Variants in SGCZ observed in about 807,000 individuals in gnomAD.
SGCZ encodes sarcoglycan zeta.
A neutral mutation model predicts 41.3 loss-of-function variants in SGCZ; 40 were observed. The ratio of observed to expected loss-of-function variants is 0.97; its 90% CI spans 0.75 to 1.26. SGCZ has a LOEUF of 1.26. Ranked by LOEUF, SGCZ falls within the 50% of genes most tolerant of loss-of-function variation. The probability of loss-of-function intolerance (pLI) is 0.00; values close to 1 mark genes in which losing one functional copy is unlikely to be tolerated. For synonymous variants in SGCZ, 206 were observed against 137.5 expected (o/e 1.50, Z -3.49); for missense variants, 552 against 369.8 (o/e 1.49, Z -4.04).
chr8:14,484,405 T>C (rs183836341), intron 2 of SGCZ, among the ~76,000 whole-genome samples: 1 of 152,292 alleles, frequency 6.6e-6, no homozygotes, highest in African/African-American at 2.4e-5. Flanking sequence ...CTTTTAAATA[T>C]AGAATTATGT....
At chr8:14,301,820 A>G (rs958077263) in intron 3 of SGCZ, among the ~76,000 whole-genome samples, 1 of 152,114 alleles carries the variant, frequency 6.6e-6, no homozygotes, top group African/African-American at 2.4e-5. Flanking sequence ...ACTTTATAGT[A>G]TTTTGTTATT....
At chr8:14,995,847 T>A (rs921393961) in intron 1 of SGCZ, among the ~76,000 whole-genome samples, 1 of 152,182 alleles carries the variant, frequency 6.6e-6, no homozygotes, top group South Asian at 2.1e-4. Context: ...CAGAGTTACA[T>A]TGTAATCCTA....
intron 1 of SGCZ, among the ~76,000 whole-genome samples, chr8:14,801,988 G>A (rs1656019812): frequency 6.6e-6 from 1 of 152,140 alleles, no homozygotes. Context: ...TCAGTCCTGG[G>A]CAGGAGCACT....
At chr8:14,242,292 C>A (rs1391511826) in intron 3 of SGCZ, among the ~76,000 whole-genome samples, 2 of 152,200 alleles carry the variant, frequency 1.3e-5, no homozygotes, top group Admixed American at 1.3e-4. Context: ...CCAACATTTA[C>A]TGGCCCTTAA....
At chr8:14,585,703 A>G (rs2117270682) in intron 1 of SGCZ, among the ~76,000 whole-genome samples, 2 of 152,278 alleles carry the variant, frequency 1.3e-5, no homozygotes, top group Admixed American at 1.3e-4. Flanking sequence ...TCAAACATTA[A>G]CAAAAAATAT....
At chr8:14,440,700 T>C (rs199911877) in intron 2 of SGCZ, among the ~76,000 whole-genome samples, 2,536 of 65,442 alleles carry the variant, frequency 0.039, 111 homozygotes, top group Middle Eastern at 0.061. Flanking sequence ...CGTATATGTA[T>C]ATATGTATAT....
At chr8:14,585,613 G>A (rs2117270471) in intron 1 of SGCZ, among the ~76,000 whole-genome samples, 1 of 151,986 alleles carries the variant, frequency 6.6e-6, no homozygotes, top group Non-Finnish European at 1.5e-5. Context: ...AGCCTACAAA[G>A]GTTATTATTT....
intron 2 of SGCZ, among the ~76,000 whole-genome samples, chr8:14,443,725 C>T (rs1234224355): frequency 2.0e-5 from 3 of 152,130 alleles, no homozygotes; most frequent in Admixed American, 6.5e-5. Flanking sequence ...AAAACCTAGG[C>T]ATTACCATTC....
At chr8:14,146,074 T>C (rs1490705248) in intron 5 of SGCZ, among the ~76,000 whole-genome samples, 1 of 152,072 alleles carries the variant, frequency 6.6e-6, no homozygotes, top group Non-Finnish European at 1.5e-5. Context: ...AAGATATCAA[T>C]ATCCAAGTAC....
At chr8:14,413,723 T>G (rs1228262601) in intron 2 of SGCZ, among the ~76,000 whole-genome samples, 1 of 151,982 alleles carries the variant, frequency 6.6e-6, no homozygotes, top group Non-Finnish European at 1.5e-5. Flanking sequence ...TTGCATCTTC[T>G]TTGTCTATGC....
intron 2 of SGCZ, among the ~76,000 whole-genome samples, chr8:14,552,917 G>A (rs1028160980): frequency 5.9e-5 from 9 of 152,018 alleles, no homozygotes; most frequent in African/African-American, 1.7e-4. Flanking sequence ...AGAGCTTGTC[G>A]CATCATTCAT....
chr8:14,893,368 G>A (rs781220959), intron 1 of SGCZ, among the ~76,000 whole-genome samples: 1 of 152,120 alleles, frequency 6.6e-6, no homozygotes, highest in Non-Finnish European at 1.5e-5. Flanking sequence ...AATCTAGTCC[G>A]ATGAGAGCCA....
chr8:14,941,688 T>C (rs950957160), intron 1 of SGCZ, among the ~76,000 whole-genome samples: 5 of 152,010 alleles, frequency 3.3e-5, no homozygotes, highest in East Asian at 1.9e-4. Flanking sequence ...GCCTATTTAG[T>C]ATTTTTCTGA....
Position 14,577,670 on chromosome 8 carries a change from G to A in SGCZ, c.40-22744C>T, listed in dbSNP as rs1475944116. Among the ~76,000 whole-genome samples the A allele has an allele frequency of 2.6e-5, 4 of 152,194 alleles. No homozygotes were observed. The South Asian group carries it at 6.2e-4, about 24-fold the overall frequency. On this transcript the variant is annotated intron_variant, in intron 1 of 7. Coordinates refer to ENST00000382080, the MANE Select transcript of SGCZ (RefSeq NM_139167.4). ...CCCAAAGTGCTGGGATTACAGCCGTGAGCCACGGCGCCTGGCCCCATTTTC... is the reference window on the plus strand; with the variant it reads ...CCCAAAGTGCTGGGATTACAGCCGTAAGCCACGGCGCCTGGCCCCATTTTC...
chr8:14,381,267 A>G lies in SGCZ; in HGVS notation c.235-57063T>C, dbSNP rs189867999. On this transcript the variant is annotated intron_variant, in intron 2 of 7. Transcript: ENST00000382080. ...CAAAGACATATATAATTCAATCCTTAGCAACAGCTAGGAAGGTTCAGAGAG... is the reference window on the plus strand; with the variant it reads ...CAAAGACATATATAATTCAATCCTTGGCAACAGCTAGGAAGGTTCAGAGAG... Among the ~76,000 whole-genome samples the G allele has an allele frequency of 1.7e-3, 252 of 152,368 alleles. 1 individual carries two copies. The highest frequency in any genetic ancestry group is 4.5e-3 in the Admixed American group (69 of 15,300).
intron 1 of SGCZ, among the ~76,000 whole-genome samples, chr8:15,134,011 C>T (rs62499829): frequency 0.071 from 10,847 of 152,088 alleles, 383 homozygotes; most frequent in Middle Eastern, 0.13. Flanking sequence ...TTAATATTAA[C>T]GATTTATCAG....
chr8:14,527,204 A>G (rs1018077875), intron 2 of SGCZ, among the ~76,000 whole-genome samples: 5 of 152,212 alleles, frequency 3.3e-5, no homozygotes, highest in Admixed American at 2.6e-4. Flanking sequence ...TATGTTTAAT[A>G]TGAAACAAGC....
intron 2 of SGCZ, among the ~76,000 whole-genome samples, chr8:14,526,707 T>C (rs1246493132): frequency 6.6e-6 from 1 of 152,146 alleles, no homozygotes; most frequent in Non-Finnish European, 1.5e-5. Flanking sequence ...GTTTCATTGT[T>C]CTGAGAGTGT....
intron 3 of SGCZ, among the ~76,000 whole-genome samples, chr8:14,258,207 T>C (rs1799533037): frequency 6.6e-6 from 1 of 151,242 alleles, no homozygotes; most frequent in Non-Finnish European, 1.5e-5. Context: ...TAAACAAAAT[T>C]CTGTGTTTCC....
Sources: gnomAD v4.1 joint callset for allele counts (sites outside exome capture counted in the v4.1 genomes callset) on GRCh38, gnomAD v4.1.1 for gene constraint, MANE v1.5 for transcripts, NCBI Gene and HGNC (gene_info 2026-07-23, HGNC 2026-07-21) for gene names.